Variants in ST6GALNAC3 observed in about 807,000 individuals in gnomAD.
ST6GALNAC3 encodes alpha-N-acetylgalactosaminide alpha-2,6-sialyltransferase 3.
In ST6GALNAC3, 25 loss-of-function variants were observed where a neutral mutation model predicts 32.7. The ratio of observed to expected loss-of-function variants is 0.76; its 90% confidence interval spans 0.56 to 1.07. The LOEUF is 1.07. Among genes scored for constraint, ST6GALNAC3 ranks in the 50% least tolerant of loss-of-function variants. The pLI is 0.00. For missense variants in ST6GALNAC3, 355 were observed against 382.4 expected, an observed-to-expected ratio of 0.93 and a Z score of 0.60; for synonymous variants, 129 against 133.1, an observed-to-expected ratio of 0.97 and a Z score of 0.21.
intron 3 of ST6GALNAC3, among the ~76,000 whole-genome samples, chr1:76,625,411 G>C (rs1254988814): frequency 6.6e-6 from 1 of 151,608 alleles, no homozygotes; most frequent in Non-Finnish European, 1.5e-5. Context: ...ATGAGTGCTT[G>C]GTCAGCCTGA....
intron 3 of ST6GALNAC3, among the ~76,000 whole-genome samples, chr1:76,517,997 A>G (rs1020043846): frequency 6.6e-6 from 1 of 152,032 alleles, no homozygotes; most frequent in South Asian, 2.1e-4. Flanking sequence ...TAACTATTAA[A>G]AATAAGTCAT....
At chr1:76,402,798 T>C (rs557714067) in intron 2 of ST6GALNAC3, among the ~76,000 whole-genome samples, 1 of 152,278 alleles carries the variant, frequency 6.6e-6, no homozygotes, top group African/African-American at 2.4e-5. Flanking sequence ...TTGAAGTCCT[T>C]TCTTATAAAG....
intron 3 of ST6GALNAC3, among the ~76,000 whole-genome samples, chr1:76,485,084 G>A (rs1465386465): frequency 6.6e-6 from 1 of 152,138 alleles, no homozygotes; most frequent in Non-Finnish European, 1.5e-5. Context: ...ACTTGATCAT[G>A]GTGGATAAGC....
At chr1:76,499,260 C>T (rs895454219) in intron 3 of ST6GALNAC3, among the ~76,000 whole-genome samples, 1 of 152,152 alleles carries the variant, frequency 6.6e-6, no homozygotes, top group East Asian at 1.9e-4. Flanking sequence ...TTTGAGACAG[C>T]TTTTCCGGAA....
rs74450750 is a variant in ST6GALNAC3, at chr1:76,610,104, T to C, written c.624-17348T>C. ...GTGATATGTATTGGGAAATGATCCA[T>C]ATTTTTCTGGGCTCTGGAACAATTT... On this transcript the variant is annotated intron_variant, in intron 3 of 4. Transcript: ENST00000328299. 2.5e-3 allele frequency among the ~76,000 whole-genome samples: 376 copies of C among 152,322 alleles called. 1 individual carries two copies. Among genetic ancestry groups the C allele is most frequent in the Middle Eastern group, 0.014 (4 of 294 alleles).
chr1:76,277,276 G>A (rs890717220), intron 1 of ST6GALNAC3, among the ~76,000 whole-genome samples: 2 of 151,564 alleles, frequency 1.3e-5, no homozygotes, highest in Admixed American at 1.3e-4. Context: ...ATTTACATAT[G>A]GGCTTATATA....
intron 3 of ST6GALNAC3, among the ~76,000 whole-genome samples, chr1:76,454,839 A>G (rs1657657657): frequency 9.1e-6 from 1 of 110,236 alleles, no homozygotes; most frequent in African/African-American, 2.9e-5. Flanking sequence ...GCTAGTCTTC[A>G]GTGAGCAGTT....
At chr1:76,473,800 A>T (rs188068760) in intron 3 of ST6GALNAC3, among the ~76,000 whole-genome samples, 11 of 152,296 alleles carry the variant, frequency 7.2e-5, no homozygotes, top group Non-Finnish European at 7.3e-5. Flanking sequence ...GGTGGAGTCT[A>T]CATTTCCTCC....
intron 3 of ST6GALNAC3, among the ~76,000 whole-genome samples, chr1:76,462,637 GTATCAC>G (rs1658358675): frequency 6.6e-6 from 1 of 152,060 alleles, no homozygotes; most frequent in South Asian, 2.1e-4. Flanking sequence ...GGACATATAT[GTATCAC>G]TAGCACTTGT....
In ST6GALNAC3 at chr1:76,441,088, C is replaced by CAA. The variant is rs397980569; in HGVS notation, c.623+28690_623+28691dup. On this transcript the variant is annotated intron_variant, in intron 3 of 4. Coordinates refer to ENST00000328299, the MANE Select transcript of ST6GALNAC3 (RefSeq NM_152996.4). ...GGGCGACAGAGTGAGACTATGTCTC[C>CAA]AAAAAAAAAAAAAAAAAAAATAAGA... is the stretch of plus-strand genomic sequence containing the variant. 5.3e-4 allele frequency among the ~76,000 whole-genome samples: 48 copies of CAA among 90,230 alleles called. 2 individuals carry two copies. The highest frequency in any genetic ancestry group is 1.2e-3 in the African/African-American group (35 of 28,214). 59.2% of individuals were successfully genotyped at this position (90,230 alleles called of 152,430 possible).
chr1:76,298,672 G>A (rs531081384), intron 1 of ST6GALNAC3, among the ~76,000 whole-genome samples: 4 of 152,142 alleles, frequency 2.6e-5, no homozygotes, highest in South Asian at 4.2e-4. Context: ...TGTCCTAGAG[G>A]TGGATTCTAA....
chr1:76,280,169 A>C (rs2065793), intron 1 of ST6GALNAC3, among the ~76,000 whole-genome samples: 46,497 of 151,684 alleles, frequency 0.31, 8,190 homozygotes, highest in Non-Finnish European at 0.4. Flanking sequence ...CTTTTTTCCA[A>C]CCCACCCTTT....
At chr1:76,554,490 A>G (rs1664806898) in intron 3 of ST6GALNAC3, among the ~76,000 whole-genome samples, 1 of 136,140 alleles carries the variant, frequency 7.3e-6, no homozygotes, top group Non-Finnish European at 1.6e-5. Context: ...TTCTTGATAG[A>G]GCAAGTGTGT....
chr1:76,159,505 A>G (rs1171607338), intron 1 of ST6GALNAC3, among the ~76,000 whole-genome samples: 1 of 152,056 alleles, frequency 6.6e-6, no homozygotes, highest in Non-Finnish European at 1.5e-5. Context: ...TCAGTTTCTG[A>G]CCTGCCTTCT....
At position 76,128,794 on chromosome 1, in the gene ST6GALNAC3, C is replaced by T. The variant is rs116398970; in HGVS notation, c.18+53910C>T. Among the ~76,000 whole-genome samples the T allele has an allele frequency of 6.4e-3, 974 of 152,314 alleles. 10 individuals are homozygous for T. The highest frequency in any genetic ancestry group is 0.022 in the African/African-American group (915 of 41,570). On this transcript the variant is annotated intron_variant, in intron 1 of 4. Transcript: ENST00000328299. Reference sequence around the variant, plus strand: ...ATGATCAGGCCTCCCTGGTTCTCAGCCCTGAGCCCCAGGTGCTGGGATTTA... The same window carrying T: ...ATGATCAGGCCTCCCTGGTTCTCAGTCCTGAGCCCCAGGTGCTGGGATTTA...
At chr1:76,193,526 C>A (rs1299376690) in intron 1 of ST6GALNAC3, among the ~76,000 whole-genome samples, 1 of 152,090 alleles carries the variant, frequency 6.6e-6, no homozygotes, top group Non-Finnish European at 1.5e-5. Context: ...CCCTGCCACC[C>A]CAGACTCTGA....
In ST6GALNAC3 at chr1:76,618,889, T is replaced by C. The variant is rs114693434; in HGVS notation, c.624-8563T>C. 5.0e-3 allele frequency among the ~76,000 whole-genome samples: 765 copies of C among 152,272 alleles called. 9 individuals carry two copies. The highest frequency in any genetic ancestry group is 0.017 in the African/African-American group (715 of 41,564). ...AAATTCAATGAGGCAGAAAAGTTAA[T>C]TGCATCCACAGGCAAGCTATGTTCT... On this transcript the variant is annotated intron_variant, in intron 3 of 4. Transcript: ENST00000328299.
chr1:76,262,932 G>A (rs1658324610), intron 1 of ST6GALNAC3, among the ~76,000 whole-genome samples: 1 of 152,094 alleles, frequency 6.6e-6, no homozygotes, highest in African/African-American at 2.4e-5. Context: ...TTTCATCTGA[G>A]GCTCACTGGG....
intron 3 of ST6GALNAC3, among the ~76,000 whole-genome samples, chr1:76,625,377 A>G (rs946705429): frequency 6.6e-6 from 1 of 151,914 alleles, no homozygotes; most frequent in Non-Finnish European, 1.5e-5. Context: ...AAACAAACAA[A>G]TGCCGTAACT....
Sources: gnomAD v4.1 joint callset for allele counts (sites outside exome capture counted in the v4.1 genomes callset) on GRCh38, gnomAD v4.1.1 for gene constraint, MANE v1.5 for transcripts, NCBI Gene and HGNC (gene_info 2026-07-23, HGNC 2026-07-21) for gene names.